Variants in AAMDC observed in about 807,000 individuals in gnomAD.
The protein encoded by AAMDC is mth938 domain-containing protein.
A neutral mutation model predicts 15.5 loss-of-function variants in AAMDC; 16 were observed. The observed-to-expected ratio is 1.03, with a 90% CI of 0.70 to 1.57. The LOEUF (loss-of-function observed/expected upper bound fraction) is 1.57. AAMDC is among the 40% of genes most tolerant of loss of function. The pLI is 0.00. For missense variants in AAMDC, 141 were observed against 144.9 expected, an observed-to-expected ratio of 0.97 and a Z score of 0.14; for synonymous variants, 51 against 51.6, an observed-to-expected ratio of 0.99 and a Z score of 0.05.
chr11:77,882,416 T>G (rs569779471), intron 5 of AAMDC, among the ~76,000 whole-genome samples: 1 of 152,226 alleles, frequency 6.6e-6, no homozygotes, highest in South Asian at 2.1e-4. Flanking sequence ...TCTCAAGACC[T>G]TCCACGATCT....
intron 5 of AAMDC, chr11:77,894,230 C>A: frequency 1.2e-6 from 1 of 827,722 alleles, no homozygotes; most frequent in South Asian, 1.6e-5. Flanking sequence ...CTATTGCCTG[C>A]AAGTGCTATA....
downstream of AAMDC, chr11:77,903,718 T>C: frequency 1.2e-6 from 1 of 814,464 alleles, no homozygotes; most frequent in Non-Finnish European, 2.0e-6. Flanking sequence ...AAGTCTCCCA[T>C]GAACATGACT....
chr11:77,878,157 T>C (rs1318211704), intron 5 of AAMDC, among the ~76,000 whole-genome samples: 1 of 151,864 alleles, frequency 6.6e-6, no homozygotes, highest in Non-Finnish European at 1.5e-5. Context: ...GGTCAGGAGA[T>C]CAAGACCATC....
chr11:77,856,578 C>T (rs1425357939), intron 2 of AAMDC, among the ~76,000 whole-genome samples: 2 of 152,136 alleles, frequency 1.3e-5, no homozygotes, highest in African/African-American at 4.8e-5. Flanking sequence ...AATTGGCTCA[C>T]GGTTCCACAG....
chr11:77,854,882 C>G (rs1032879360), intron 2 of AAMDC, among the ~76,000 whole-genome samples: 8 of 152,246 alleles, frequency 5.3e-5, no homozygotes, highest in Non-Finnish European at 1.0e-4. Flanking sequence ...GCACCCCCAG[C>G]AGACTTCTGC....
chr11:77,860,443 C>T (rs1950828610), intron 2 of AAMDC, among the ~76,000 whole-genome samples: 2 of 152,166 alleles, frequency 1.3e-5, no homozygotes, highest in South Asian at 4.1e-4. Flanking sequence ...TAATTTTAGC[C>T]CTAAGTATTT....
intron 5 of AAMDC, chr11:77,879,006 G>A: frequency 6.2e-7 from 1 of 1,614,110 alleles, no homozygotes; most frequent in Non-Finnish European, 8.5e-7. Flanking sequence ...TGAAGGGAAT[G>A]GTGCCCTCGA....
In AAMDC at chr11:77,867,768, G is replaced by A. The variant is rs1436043920; in HGVS notation, c.133-1954G>A. ...GTTCAAGAAGCTACCATCCTTTAAT[G>A]CTCAATTCATCTTTGTTAAACACAT... On this transcript the variant is annotated intron_variant, in intron 2 of 3. Transcript: ENST00000393427. Among the ~76,000 whole-genome samples the A allele has an allele frequency of 2.0e-5, 3 of 152,148 alleles. No homozygotes were observed. In the East Asian group the frequency reaches 5.8e-4, roughly 29 times the overall value.
intron 5 of AAMDC, among the ~76,000 whole-genome samples, chr11:77,899,481 G>C (rs1371311726): frequency 6.6e-6 from 1 of 152,000 alleles, no homozygotes; most frequent in East Asian, 1.9e-4. Context: ...AGACCAGCCT[G>C]GCTAACATGG....
At chr11:77,899,437 C>T (rs1246162986) in intron 5 of AAMDC, among the ~76,000 whole-genome samples, 3 of 151,908 alleles carry the variant, frequency 2.0e-5, no homozygotes, top group Non-Finnish European at 2.9e-5. Context: ...TCTGGGAGGC[C>T]GAGTCGGGTG....
intron 1 of AAMDC, among the ~76,000 whole-genome samples, chr11:77,830,525 A>G (rs1224783379): frequency 7.8e-6 from 1 of 128,986 alleles, no homozygotes; most frequent in Non-Finnish European, 1.6e-5. Flanking sequence ...CCTAATAAAT[A>G]TGGAGGGCTG....
chr11:77,842,316 G>C (rs931576582), intron 1 of AAMDC, among the ~76,000 whole-genome samples, 163 bp from the exon 2 acceptor site: 1 of 152,084 alleles, frequency 6.6e-6, no homozygotes, highest in African/African-American at 2.4e-5. Flanking sequence ...CAGGATTCCA[G>C]GAATAATAGT....
At chr11:77,891,934 A>G in intron 5 of AAMDC, 1 of 1,574,546 alleles carries the variant, frequency 6.4e-7, no homozygotes, top group Non-Finnish European at 8.6e-7. Flanking sequence ...TGAAGTAGGA[A>G]GAATGATGAA....
At chr11:77,850,681 T>C (rs1439850867) in intron 2 of AAMDC, 1 of 152,172 alleles carries the variant, frequency 6.6e-6, no homozygotes. Flanking sequence ...ATGTGAATAA[T>C]ATAATACATT....
At chr11:77,862,584 G>C (rs1340848177) in intron 2 of AAMDC, among the ~76,000 whole-genome samples, 1 of 152,094 alleles carries the variant, frequency 6.6e-6, no homozygotes, top group Admixed American at 6.5e-5. Flanking sequence ...AGGTTGAAGG[G>C]GTGTCCTTAT....
At chr11:77,872,853 C>T (rs962763459), downstream of AAMDC, among the ~76,000 whole-genome samples, 1 of 152,182 alleles carries the variant, frequency 6.6e-6, no homozygotes, top group African/African-American at 2.4e-5. Context: ...GAGGCTAAGG[C>T]AGCAGGAGGA....
At chr11:77,891,604 G>A in intron 5 of AAMDC, 1 of 1,582,156 alleles carries the variant, frequency 6.3e-7, no homozygotes, top group Non-Finnish European at 8.6e-7. Context: ...TGCTCCACTG[G>A]TCAAAGAAGA....
At chr11:77,840,257 A>T (rs12422061) in intron 1 of AAMDC, among the ~76,000 whole-genome samples, 1 of 152,156 alleles carries the variant, frequency 6.6e-6, no homozygotes, top group African/African-American at 2.4e-5. Context: ...AGTATCTTTA[A>T]GTGGCTCACG....
At chr11:77,831,362 A>G (rs142189981) in intron 1 of AAMDC, among the ~76,000 whole-genome samples, 1 of 152,204 alleles carries the variant, frequency 6.6e-6, no homozygotes, top group Admixed American at 6.5e-5. Context: ...AAGAAAAATG[A>G]GCATATGTCC....
Sources: allele counts gnomAD v4.1 joint callset (sites outside exome capture counted in the v4.1 genomes callset), GRCh38; gene constraint gnomAD v4.1.1; transcripts MANE v1.5; gene names NCBI Gene and HGNC (gene_info 2026-07-23, HGNC 2026-07-21).